Variants in RHOQ observed in about 807,000 individuals in gnomAD.
RHOQ encodes ras homolog family member Q, also known as rho-related GTP-binding protein RhoQ.
RHOQ carries 7 observed loss-of-function variants against 25.8 expected under a neutral mutation model. The observed-to-expected ratio is 0.27, with a 90% CI of 0.15 to 0.51. The LOEUF is 0.51. RHOQ is among the 20% of genes least tolerant of loss of function. The pLI, the probability that RHOQ is intolerant of heterozygous loss-of-function variation, is 0.97. For missense variants in RHOQ, 165 were observed against 260.6 expected, an observed-to-expected ratio of 0.63 and a Z score of 2.53; for synonymous variants, 97 against 98.6, an observed-to-expected ratio of 0.98 and a Z score of 0.10.
chr2:46,570,975 A>G (rs1420375887), intron 2 of RHOQ, among the ~76,000 whole-genome samples: 1 of 152,180 alleles, frequency 6.6e-6, no homozygotes, highest in Non-Finnish European at 1.5e-5. Flanking sequence ...ATAGTACTTT[A>G]TGGTCTTCAA....
intron 2 of RHOQ, among the ~76,000 whole-genome samples, chr2:46,567,540 C>T (rs764893165): frequency 2.0e-5 from 3 of 149,672 alleles, no homozygotes; most frequent in Non-Finnish European, 3.0e-5. Context: ...ACTATAGGCA[C>T]ACACCATCAC....
At chr2:46,567,311 A>C (rs925661781) in intron 2 of RHOQ, among the ~76,000 whole-genome samples, 9 of 152,192 alleles carry the variant, frequency 5.9e-5, no homozygotes, top group African/African-American at 2.2e-4. Context: ...TTAGTGACTC[A>C]GATACTAACA....
chr2:46,549,047 C>A (rs1213200313), intron 2 of RHOQ, among the ~76,000 whole-genome samples: 1 of 152,158 alleles, frequency 6.6e-6, no homozygotes, highest in Non-Finnish European at 1.5e-5. Context: ...TACAATTATG[C>A]CTCATAATCG....
rs984339701 is a variant in RHOQ, at chr2:46,569,475, G to A, written c.202-6612G>A. 3.3e-5 allele frequency: 5 copies of A among 152,198 alleles called. No homozygotes were observed. Among genetic ancestry groups the A allele is most frequent in the Non-Finnish European group, 2.9e-5 (2 of 68,044 alleles). 9.4% of individuals were successfully genotyped at this position (152,198 alleles called of 1,614,324 possible). On this transcript the variant is annotated intron_variant, in intron 2 of 4. Transcript: ENST00000238738. The surrounding 1 kb of genome is among the most constrained non-coding windows in gnomAD (Gnocchi z 4.1). ...TTTAGAGATGAGGAAGTGCCAGTTC[G>A]TCACAACACAGTTAGATAATGACAA...
intron 2 of RHOQ, among the ~76,000 whole-genome samples, chr2:46,561,817 C>T (rs991250249): frequency 3.9e-5 from 6 of 152,092 alleles, no homozygotes; most frequent in South Asian, 2.1e-4. Flanking sequence ...CCCTCTGCAC[C>T]GCATTTTTTT....
At position 46,548,576 on chromosome 2, in the gene RHOQ, A is replaced by G. The variant is rs191503392; in HGVS notation, c.201+4764A>G. Among the ~76,000 whole-genome samples, 42 of 152,288 alleles carry G rather than the reference A, an allele frequency of 2.8e-4. 1 individual carries two copies. In the East Asian group the frequency reaches 7.7e-3, roughly 28 times the overall value. ...ACTTTGGAGAAGGCCTGCAGGGAAC[A>G]TTAGTAGGGTTTAGGAAATGCCACT... is the stretch of plus-strand genomic sequence containing the variant. On this transcript the variant is annotated intron_variant, in intron 2 of 4. Coordinates refer to ENST00000238738, the MANE Select transcript of RHOQ (RefSeq NM_012249.4). This position sits in a 1 kb window ranked among gnomAD's most constrained non-coding sequence, Gnocchi z 5.2.
At chr2:46,554,440 C>T (rs374097760) in intron 2 of RHOQ, among the ~76,000 whole-genome samples, 2 of 152,184 alleles carry the variant, frequency 1.3e-5, no homozygotes, top group Non-Finnish European at 2.9e-5. Flanking sequence ...CTATTTCTCT[C>T]CCGCATATTA....
intron 2 of RHOQ, among the ~76,000 whole-genome samples, chr2:46,553,563 T>C (rs892053145): frequency 9.9e-5 from 15 of 152,278 alleles, no homozygotes; most frequent in African/African-American, 3.1e-4. Flanking sequence ...TGCCATCAAA[T>C]AGTGTCATGT....
In RHOQ at chr2:46,583,547, T is replaced by C. The variant is rs1272855230; in HGVS notation, c.*2464T>C. 6.6e-6 allele frequency among the ~76,000 whole-genome samples: 1 copy of C among 152,208 alleles called. No individual in the cohort carries two copies. Among genetic ancestry groups the C allele is most frequent in the African/African-American group, 2.4e-5 (1 of 41,456 alleles). On this transcript the variant is annotated 3_prime_UTR_variant, in exon 5 of 5. Coordinates refer to ENST00000238738, the MANE Select transcript of RHOQ (RefSeq NM_012249.4). ...TGATGGGTTTGGAGTTCCCCATTGC[T>C]TATCAAGAGCTTTTTAATTGCTTTG...
In RHOQ at chr2:46,556,020, AC is replaced by A. The variant is rs2103995334; in HGVS notation, c.201+12212del. Reference sequence around the variant, plus strand: ...GCATAATTCAGAGAACACTTTCATCACCCCAGAACGAAACCCCATACCCACC... The same window carrying A: ...GCATAATTCAGAGAACACTTTCATCACCCAGAACGAAACCCCATACCCACC... On this transcript the variant is annotated intron_variant, in intron 2 of 4. Coordinates refer to ENST00000238738, the MANE Select transcript of RHOQ (RefSeq NM_012249.4). This position sits in a 1 kb window ranked among gnomAD's most constrained non-coding sequence, Gnocchi z 4.9. Among the ~76,000 whole-genome samples, 1 of 151,938 alleles carries A rather than the reference AC, an allele frequency of 6.6e-6. No homozygotes were observed. The highest frequency in any genetic ancestry group is 2.1e-4 in the South Asian group (1 of 4,790).
chr2:46,570,540 C>T (rs943463529), intron 2 of RHOQ, among the ~76,000 whole-genome samples: 2 of 152,100 alleles, frequency 1.3e-5, no homozygotes, highest in Non-Finnish European at 2.9e-5. Context: ...TAGGAGAAAA[C>T]AGTTGCATTC....
In RHOQ at chr2:46,583,109, A is replaced by T. The variant is rs1669456026; in HGVS notation, c.*2026A>T. 6.6e-6 allele frequency: 1 copy of T among 152,058 alleles called. No homozygotes were observed. Among genetic ancestry groups the T allele is most frequent in the Non-Finnish European group, 1.5e-5 (1 of 68,008 alleles). 9.4% of individuals were successfully genotyped at this position (152,058 alleles called of 1,614,324 possible). ...GAATTACAACAGTAAACTATTACAC[A>T]TTTCCAACTTGCCTTTGGGGATTTA... On this transcript the variant is annotated 3_prime_UTR_variant, in exon 5 of 5. Coordinates refer to ENST00000238738, the MANE Select transcript of RHOQ (RefSeq NM_012249.4).
At chr2:46,564,925 A>T (rs115169175) in intron 2 of RHOQ, among the ~76,000 whole-genome samples, 72 of 152,356 alleles carry the variant, frequency 4.7e-4, no homozygotes, top group African/African-American at 1.7e-3. Flanking sequence ...GGTGGTGATA[A>T]CAGCAAACAC....
intron 2 of RHOQ, among the ~76,000 whole-genome samples, chr2:46,549,626 C>G (rs1668177813): frequency 6.6e-6 from 1 of 152,222 alleles, no homozygotes; most frequent in Admixed American, 6.5e-5. Context: ...TTTCCTTTCT[C>G]TCTGACAGGC....
intron 2 of RHOQ, chr2:46,572,826 C>G: frequency 4.6e-6 from 2 of 430,386 alleles, no homozygotes; most frequent in South Asian, 3.3e-5. Flanking sequence ...TTTGTGTTCT[C>G]AAATTTAAAA....
Position 46,542,923 on chromosome 2 carries a change from G to A in RHOQ, c.-124G>A, listed in dbSNP as rs1383732581. On this transcript the variant is annotated 5_prime_UTR_variant, in exon 1 of 5. Transcript: ENST00000238738. ...GAGGGGAGCCGCTGCATGGGGCCGG[G>A]GGGGCGGCCCTGCGGCGCGGAGCGG... The A allele has an allele frequency of 7.4e-6, 3 of 405,614 alleles. No individual in the cohort carries two copies. Among genetic ancestry groups the A allele is most frequent in the East Asian group, 3.0e-4 (2 of 6,754 alleles). 25.1% of individuals were successfully genotyped at this position (405,614 alleles called of 1,614,324 possible).
intron 2 of RHOQ, among the ~76,000 whole-genome samples, chr2:46,574,732 C>G (rs934502983): frequency 7.9e-5 from 12 of 152,136 alleles, no homozygotes; most frequent in African/African-American, 2.7e-4. Context: ...AAGGGTTACC[C>G]ACCAGTCAAG....
Position 46,583,896 on chromosome 2 carries a change from G to A in RHOQ, c.*2813G>A, listed in dbSNP as rs997446914. Among the ~76,000 whole-genome samples, 58 of 152,268 alleles carry A rather than the reference G, an allele frequency of 3.8e-4. No homozygotes were observed. Among genetic ancestry groups the A allele is most frequent in the African/African-American group, 1.4e-3 (58 of 41,568 alleles). Reference sequence around the variant, plus strand: ...GAGTTAATCAGTGTTTGCATATAGAGAATTAGTTCTAAAGTTCTTAAAAAT... The same window carrying A: ...GAGTTAATCAGTGTTTGCATATAGAAAATTAGTTCTAAAGTTCTTAAAAAT... On this transcript the variant is annotated 3_prime_UTR_variant, in exon 5 of 5. Transcript: ENST00000238738.
In RHOQ at chr2:46,543,786, C is replaced by T; in HGVS notation, c.175C>T (p.Leu59=). The change falls in exon 2 of 5, where the codon CTA becomes TTA. Residue 59 remains leucine, a synonymous_variant. Transcript: ENST00000238738. ...SVTVGGKQYL[L]GLYDTAGQED... ...CACCGTGGGGGGCAAGCAGTACCTC[C>T]TAGGACTCTATGACACGGCCGGACA... The T allele has an allele frequency of 6.2e-7, 1 of 1,613,676 alleles. No homozygotes were observed. The highest frequency in any genetic ancestry group is 1.7e-5 in the Admixed American group (1 of 59,988).
Sources: allele counts gnomAD v4.1 joint callset (sites outside exome capture counted in the v4.1 genomes callset), GRCh38; gene constraint gnomAD v4.1.1; non-coding constraint Gnocchi (gnomAD v3.1); transcripts MANE v1.5; gene names NCBI Gene and HGNC (gene_info 2026-07-23, HGNC 2026-07-21).